NELL2: variants seen among roughly 807,000 people sequenced by gnomAD.
NELL2 encodes the protein protein kinase C-binding protein NELL2.
In NELL2, 41 loss-of-function variants were observed where a neutral mutation model predicts 109.6. The observed-to-expected ratio is 0.37, with a 90% CI of 0.29 to 0.49. The LOEUF (loss-of-function observed/expected upper bound fraction) is 0.49. Among genes scored for constraint, NELL2 ranks in the 20% least tolerant of loss-of-function variants. The pLI is 0.98. For synonymous variants in NELL2, 355 were observed against 344.7 expected, an observed-to-expected ratio of 1.03 and a Z score of -0.33; for missense variants, 900 against 1,008.3, an observed-to-expected ratio of 0.89 and a Z score of 1.45.
At chr12:44,611,062 A>G in intron 13 of NELL2, 92 bp from the exon 14 acceptor site, 1 of 1,300,978 alleles carries the variant, frequency 7.7e-7, no homozygotes, top group East Asian at 2.4e-5. Flanking sequence ...TGCATGGTAA[A>G]TTCTTTCAAC....
At chr12:44,681,678 T>C (rs1948512486) in intron 12 of NELL2, among the ~76,000 whole-genome samples, 1 of 152,150 alleles carries the variant, frequency 6.6e-6, no homozygotes, top group South Asian at 2.1e-4. Context: ...TTTGGTTTTT[T>C]GTTCTTGCGA....
chr12:44,571,968 A>G (rs1943887025), intron 15 of NELL2, among the ~76,000 whole-genome samples: 1 of 152,218 alleles, frequency 6.6e-6, no homozygotes, highest in Admixed American at 6.5e-5. Flanking sequence ...CAAACAAAAA[A>G]GAAAATGAGG....
At chr12:44,821,140 A>G (rs969464908) in intron 2 of NELL2, among the ~76,000 whole-genome samples, 7 of 152,186 alleles carry the variant, frequency 4.6e-5, no homozygotes, top group African/African-American at 1.7e-4. Flanking sequence ...TTATAATAAT[A>G]TATTTTTCCC....
chr12:44,716,410 C>T, intron 9 of NELL2, among the ~76,000 whole-genome samples: 1 of 152,030 alleles, frequency 6.6e-6, no homozygotes, highest in African/African-American at 2.4e-5. Flanking sequence ...TAAAGTCTGG[C>T]TAAAATATGC....
intron 3 of NELL2, among the ~76,000 whole-genome samples, chr12:44,802,502 C>T (rs1252984435): frequency 6.6e-6 from 1 of 151,892 alleles, no homozygotes; most frequent in East Asian, 1.9e-4. Flanking sequence ...TCAATACGTG[C>T]AATACTGTAT....
intron 15 of NELL2, among the ~76,000 whole-genome samples, chr12:44,593,122 C>A (rs1944819783): frequency 6.6e-6 from 1 of 152,150 alleles, no homozygotes; most frequent in South Asian, 2.1e-4. Context: ...GAAAGCAAGT[C>A]ACTGCATAGT....
Position 44,644,625 on chromosome 12 carries a change from T to TATATATATATAC in NELL2, c.1444+20858_1444+20859insGTATATATATAT, listed in dbSNP as rs1455589223. Among the ~76,000 whole-genome samples, 244 of 98,696 alleles carry TATATATATATAC rather than the reference T, an allele frequency of 2.5e-3. 1 individual carries two copies. The highest frequency in any genetic ancestry group is 9.1e-3 in the African/African-American group (233 of 25,630). The allele number at this position is 98,696 out of a possible 152,430, so 64.7% of individuals were successfully genotyped here. ...ATATGTATGTATATATATATATATA[T>TATATATATATAC]ACATACATATATATATATATATATA... is the stretch of plus-strand genomic sequence containing the variant. On this transcript the variant is annotated intron_variant, in intron 13 of 19. Transcript: ENST00000429094.
Position 44,876,227 on chromosome 12 carries a change from G to A in NELL2, c.-358C>T. 1 of 1,173,376 alleles carries A rather than the reference G, an allele frequency of 8.5e-7. No homozygotes were observed. The highest frequency in any genetic ancestry group is 1.6e-5 in the African/African-American group (1 of 63,540). 72.7% of individuals were successfully genotyped at this position (1,173,376 alleles called of 1,614,324 possible). ...AAAGACTCGCACACCCGGTAGAAGG[G>A]GGGCGGCCCCAAGAAAGCCCGGGCT... On this transcript the variant is annotated 5_prime_UTR_variant, in exon 1 of 20. Coordinates refer to ENST00000429094, the MANE Select transcript of NELL2 (RefSeq NM_001145108.2).
At chr12:44,615,706 T>A (rs775542543) in intron 13 of NELL2, among the ~76,000 whole-genome samples, 7 of 152,164 alleles carry the variant, frequency 4.6e-5, no homozygotes, top group Non-Finnish European at 1.0e-4. Context: ...GTATGTGAAG[T>A]CTTCTGCTGC....
intron 3 of NELL2, among the ~76,000 whole-genome samples, chr12:44,802,885 A>G (rs1942879688): frequency 6.6e-6 from 1 of 152,088 alleles, no homozygotes; most frequent in Non-Finnish European, 1.5e-5. Context: ...ATGTAAAGGC[A>G]GGTGGGTGAA....
At chr12:44,561,570 T>C (rs760943937) in intron 15 of NELL2, among the ~76,000 whole-genome samples, 5 of 152,072 alleles carry the variant, frequency 3.3e-5, no homozygotes, top group Non-Finnish European at 7.4e-5. Flanking sequence ...CCATTAACAA[T>C]TGCTACAAAG....
chr12:44,890,219 G>C (rs1401620446), intron 1 of NELL2, among the ~76,000 whole-genome samples: 1 of 152,194 alleles, frequency 6.6e-6, no homozygotes, highest in African/African-American at 2.4e-5. Flanking sequence ...GAGCTGCTGA[G>C]TGAGCAAGAA....
intron 15 of NELL2, among the ~76,000 whole-genome samples, chr12:44,540,051 T>C (rs186256685): frequency 1.3e-5 from 2 of 152,278 alleles, no homozygotes; most frequent in African/African-American, 2.4e-5. Flanking sequence ...CAAAAGACTA[T>C]CATATTAGAT....
intron 1 of NELL2, among the ~76,000 whole-genome samples, chr12:44,891,052 C>T (rs1945528053): frequency 6.6e-6 from 1 of 152,124 alleles, no homozygotes; most frequent in Non-Finnish European, 1.5e-5. Flanking sequence ...TTCATTATGA[C>T]TACTAGTAGT....
chr12:44,645,011 C>G (rs1947039971), intron 13 of NELL2, among the ~76,000 whole-genome samples: 1 of 151,868 alleles, frequency 6.6e-6, no homozygotes, highest in South Asian at 2.1e-4. Flanking sequence ...GGTTAAAATA[C>G]AGAGGATGGG....
intron 2 of NELL2, among the ~76,000 whole-genome samples, chr12:44,849,537 T>A (rs796279788): frequency 1.1e-4 from 17 of 152,344 alleles, no homozygotes; most frequent in African/African-American, 4.1e-4. Context: ...CATACATTTC[T>A]ATATGAGTAT....
intron 13 of NELL2, among the ~76,000 whole-genome samples, chr12:44,659,220 T>C (rs1425710708): frequency 6.6e-6 from 1 of 152,158 alleles, no homozygotes; most frequent in Non-Finnish European, 1.5e-5. Flanking sequence ...GACTTAAACA[T>C]AAGACCTAAA....
At chr12:44,683,462 T>C (rs1458166712) in intron 12 of NELL2, among the ~76,000 whole-genome samples, 1 of 151,700 alleles carries the variant, frequency 6.6e-6, no homozygotes, top group Admixed American at 6.5e-5. Flanking sequence ...CTATGTTGAA[T>C]AGGAGTGGTG....
At chr12:44,537,689 T>C (rs1337724206) in intron 15 of NELL2, among the ~76,000 whole-genome samples, 1 of 152,152 alleles carries the variant, frequency 6.6e-6, no homozygotes, top group Non-Finnish European at 1.5e-5. Flanking sequence ...ATTTGCTTTC[T>C]AGATTATCTG....
Sources: allele counts gnomAD v4.1 joint callset (sites outside exome capture counted in the v4.1 genomes callset), GRCh38; gene constraint gnomAD v4.1.1; transcripts MANE v1.5; gene names NCBI Gene and HGNC (gene_info 2026-07-23, HGNC 2026-07-21).